The following RGS10 variants were observed in gnomAD, a reference collection of about 807,000 sequenced individuals.
The protein encoded by RGS10 is regulator of G-protein signalling 10.
RGS10 carries 11 observed loss-of-function variants against 23.5 expected under a neutral mutation model. That is an observed-to-expected ratio of 0.47 (90% CI 0.29 to 0.77). The LOEUF (loss-of-function observed/expected upper bound fraction) is 0.77. RGS10 is among the 30% of genes least tolerant of loss of function. The probability of loss-of-function intolerance (pLI) is 0.08; values close to 1 mark genes in which losing one functional copy is unlikely to be tolerated. For missense variants in RGS10, 180 were observed against 226.3 expected (o/e 0.80, Z 1.31); for synonymous variants, 77 against 83.2 (o/e 0.92, Z 0.41).
chr10:119,521,652 A>G (rs1273786110), intron 3 of RGS10, among the ~76,000 whole-genome samples: 2 of 142,322 alleles, frequency 1.4e-5, no homozygotes, highest in African/African-American at 5.2e-5. Context: ...GGAAGGAAGG[A>G]AGGAAAGGAG....
intron 3 of RGS10, among the ~76,000 whole-genome samples, chr10:119,522,718 C>CAAAAA (rs111696085): frequency 8.8e-6 from 1 of 114,124 alleles, no homozygotes; most frequent in African/African-American, 3.4e-5. Flanking sequence ...AACTCCGTCT[C>CAAAAA]AAAAAAAAAA....
intron 3 of RGS10, among the ~76,000 whole-genome samples, chr10:119,522,284 A>G (rs1469666623): frequency 1.3e-5 from 2 of 152,216 alleles, no homozygotes; most frequent in Non-Finnish European, 2.9e-5. Flanking sequence ...TTAAAACAAC[A>G]GAGGCGAGAG....
chr10:119,541,576 A>T (rs1434658823), intron 1 of RGS10, among the ~76,000 whole-genome samples: 1 of 152,148 alleles, frequency 6.6e-6, no homozygotes, highest in East Asian at 1.9e-4. Context: ...TCTCTAAACC[A>T]CAATGTCCCT....
At chr10:119,523,009 T>A (rs76162353) in intron 3 of RGS10, among the ~76,000 whole-genome samples, 2 of 35,196 alleles carry the variant, frequency 5.7e-5, no homozygotes, top group South Asian at 1.6e-3. Flanking sequence ...TCTAGCTAAT[T>A]TTTTTTTTTT....
At chr10:119,510,554 G>A (rs536606053) in intron 4 of RGS10, among the ~76,000 whole-genome samples, 2 of 152,204 alleles carry the variant, frequency 1.3e-5, no homozygotes, top group Admixed American at 6.5e-5. Flanking sequence ...CCTCCGTGTG[G>A]GGGCAGATGC....
At chr10:119,525,499 C>T (rs1844263825) in intron 3 of RGS10, among the ~76,000 whole-genome samples, 1 of 152,186 alleles carries the variant, frequency 6.6e-6, no homozygotes, top group Non-Finnish European at 1.5e-5. Flanking sequence ...TCCCCATAAT[C>T]TCATCTACCC....
chr10:119,508,665 G>A (rs1287202470), intron 4 of RGS10, among the ~76,000 whole-genome samples: 8 of 152,174 alleles, frequency 5.3e-5, no homozygotes, highest in African/African-American at 7.2e-5. Flanking sequence ...GACCAATAAC[G>A]TCATCGATTT....
intron 4 of RGS10, among the ~76,000 whole-genome samples, chr10:119,507,196 T>C (rs1844023630): frequency 6.6e-6 from 1 of 152,144 alleles, no homozygotes; most frequent in African/African-American, 2.4e-5. Context: ...TTTGATCTTT[T>C]GGAGCAAATG....
At chr10:119,503,607 C>T (rs1187916406) in intron 4 of RGS10, among the ~76,000 whole-genome samples, 2 of 152,156 alleles carry the variant, frequency 1.3e-5, no homozygotes, top group African/African-American at 4.8e-5. Context: ...ATTCAGTTCT[C>T]CCTCCAGCGC....
At chr10:119,528,610 G>A (rs1003510738) in intron 1 of RGS10, among the ~76,000 whole-genome samples, 2 of 152,014 alleles carry the variant, frequency 1.3e-5, no homozygotes, top group African/African-American at 4.8e-5. Flanking sequence ...TGTAATCCCA[G>A]CACTTTGGGA....
At chr10:119,541,505 A>G (rs575696650) in intron 1 of RGS10, among the ~76,000 whole-genome samples, 30 of 152,282 alleles carry the variant, frequency 2.0e-4, no homozygotes, top group Non-Finnish European at 4.0e-4. Context: ...TTCTGCAGAA[A>G]GGTCCCACGG....
rs554604893 is a variant in RGS10 at position 119,524,357 on chromosome 10, C to G, written c.255+1675G>C. Among the ~76,000 whole-genome samples, 9 of 152,278 alleles carry G rather than the reference C, an allele frequency of 5.9e-5. No individual in the cohort carries two copies. In the East Asian group the frequency reaches 1.7e-3, roughly 29 times the overall value. ...GGAGCTAGTTCAAGTCCTAGCTCTG[C>G]CACGGTGCGGGGACCTCACTTCCTT... On this transcript the variant is annotated intron_variant, in intron 3 of 4. Coordinates refer to ENST00000369103, the MANE Select transcript of RGS10 (RefSeq NM_001005339.2). The surrounding 1 kb of genome is among the most constrained non-coding windows in gnomAD (Gnocchi z 5.2).
chr10:119,500,324 A>G, intron 4 of RGS10, 65 bp from the exon 5 acceptor site: 2 of 1,464,060 alleles, frequency 1.4e-6, no homozygotes, highest in Non-Finnish European at 1.9e-6. Context: ...TCATCCCATC[A>G]GATATGTATT....
chr10:119,516,752 G>T (rs577289628), intron 3 of RGS10, among the ~76,000 whole-genome samples: 7 of 152,266 alleles, frequency 4.6e-5, no homozygotes, highest in African/African-American at 1.4e-4. Context: ...GTAAGGAGAT[G>T]ACTTCACAGT....
intron 3 of RGS10, among the ~76,000 whole-genome samples, chr10:119,521,005 G>T (rs1844206251): frequency 6.6e-6 from 1 of 152,090 alleles, no homozygotes; most frequent in Admixed American, 6.5e-5. Context: ...GCTCCACAAA[G>T]AATTCACACA....
intron 4 of RGS10, among the ~76,000 whole-genome samples, chr10:119,506,655 A>G (rs1280153333): frequency 6.6e-6 from 1 of 152,156 alleles, no homozygotes; most frequent in Non-Finnish European, 1.5e-5. Flanking sequence ...GGGGAGTTGA[A>G]TGCTCCTCTG....
intron 4 of RGS10, among the ~76,000 whole-genome samples, chr10:119,513,367 GGAGGA>G (rs1844099380): frequency 6.6e-6 from 1 of 152,136 alleles, no homozygotes; most frequent in African/African-American, 2.4e-5. Context: ...GGTTGAGGTG[GGAGGA>G]TCACTTGAGC....
rs559421283 is a variant in RGS10, at chr10:119,541,622, C to T, written c.49+968G>A. ...CAGGAGCAGAAAGGAAATGCACCAA[C>T]GCGTTGGGACTCTGAGCGCCAAGCA... On this transcript the variant is annotated intron_variant, in intron 1 of 4. Coordinates refer to ENST00000369103, the MANE Select transcript of RGS10 (RefSeq NM_001005339.2). Among the ~76,000 whole-genome samples, 3 of 152,260 alleles carry T rather than the reference C, an allele frequency of 2.0e-5. No individual in the cohort carries two copies. In the East Asian group the frequency reaches 5.8e-4, roughly 29 times the overall value.
chr10:119,525,895 C>T, intron 3 of RGS10, 137 bp downstream of exon 3: 2 of 483,658 alleles, frequency 4.1e-6, no homozygotes, highest in Non-Finnish European at 7.4e-6. Flanking sequence ...ATTTGATCAA[C>T]ACAAGATACC....
Sources: gnomAD v4.1 joint callset for allele counts (sites outside exome capture counted in the v4.1 genomes callset) on GRCh38, gnomAD v4.1.1 for gene constraint, Gnocchi (gnomAD v3.1) non-coding constraint, MANE v1.5 for transcripts, NCBI Gene and HGNC (gene_info 2026-07-23, HGNC 2026-07-21) for gene names.